The following RFX6 variants were observed in gnomAD, a reference collection of about 807,000 sequenced individuals.
RFX6 encodes the protein regulatory factor X6.
In RFX6, 50 loss-of-function variants were observed where a neutral mutation model predicts 110.8. That is an observed-to-expected ratio of 0.45 (90% confidence interval 0.36 to 0.57). The LOEUF is 0.57. Ranked by LOEUF, RFX6 falls within the 20% of genes least tolerant of loss-of-function variation. RFX6 has a pLI of 0.00. For synonymous variants in RFX6, 383 were observed against 411.2 expected (o/e 0.93, Z 0.83); for missense variants, 990 against 1,127.0 (o/e 0.88, Z 1.74).
intron 18 of RFX6, among the ~76,000 whole-genome samples, chr6:116,930,784 A>G (rs1249137721): frequency 6.6e-6 from 1 of 152,186 alleles, no homozygotes; most frequent in Non-Finnish European, 1.5e-5. Context: ...TGAATGAAGG[A>G]GAGAGTAGAG....
At chr6:116,899,988 T>C (rs553154028) in intron 6 of RFX6, among the ~76,000 whole-genome samples, 3 of 152,288 alleles carry the variant, frequency 2.0e-5, no homozygotes, top group South Asian at 2.1e-4. Context: ...AAGATGCGAA[T>C]AGATGATTCA....
chr6:116,880,940 TG>T (rs1306843841), intron 3 of RFX6, among the ~76,000 whole-genome samples: 14 of 152,200 alleles, frequency 9.2e-5, no homozygotes, highest in Non-Finnish European at 1.6e-4. Context: ...TGCATTAAAG[TG>T]TATAGTATGG....
intron 10 of RFX6, among the ~76,000 whole-genome samples, chr6:116,918,322 T>C (rs1275153436): frequency 1.3e-5 from 2 of 152,062 alleles, no homozygotes; most frequent in African/African-American, 4.8e-5. Context: ...AAAAATAGAT[T>C]TAAGCACTGT....
chr6:116,925,590 C>G lies in RFX6; in HGVS notation c.1816C>G (p.Gln606Glu). Residue 606 changes from glutamine to glutamate, a missense_variant, in exon 16 of 19, where the codon CAA becomes GAA. Physicochemically the swap from Gln to Glu is conservative, Grantham distance 29. Transcript: ENST00000332958. Reference protein sequence around the residue: ...ETTYLPLPSSQPGGLGPALHQ... With the variant: ...ETTYLPLPSSEPGGLGPALHQ... ...AACCTATCTCCCTCTGCCATCCAGT[C>G]AACCTGGAGGCCTAGGCCCTGCTCT... 6.2e-7 allele frequency: 1 copy of G among 1,613,912 alleles called. No individual in the cohort carries two copies. The highest frequency in any genetic ancestry group is 8.5e-7 in the Non-Finnish European group (1 of 1,179,770).
intron 4 of RFX6, among the ~76,000 whole-genome samples, chr6:116,891,845 A>T (rs1774837678): frequency 6.6e-6 from 1 of 152,172 alleles, no homozygotes; most frequent in African/African-American, 2.4e-5. Flanking sequence ...TACTCAGTTT[A>T]GTATTTTGAA....
At chr6:116,884,442 GAATAAATA>G (rs776502926) in intron 4 of RFX6, among the ~76,000 whole-genome samples, 6 of 152,102 alleles carry the variant, frequency 3.9e-5, no homozygotes, top group Non-Finnish European at 8.8e-5. Flanking sequence ...GGCCTGGAAA[GAATAAATA>G]AAGTGCCAGA....
At position 116,880,739 on chromosome 6, in the gene RFX6, C is replaced by A. The variant is rs1774572652; in HGVS notation, c.504+72C>A. 10 of 1,509,968 alleles carry A rather than the reference C, an allele frequency of 6.6e-6. No individual in the cohort carries two copies. The African/African-American group carries it at 9.6e-5, about 15-fold the overall frequency. 93.5% of individuals were successfully genotyped at this position (1,509,968 alleles called of 1,614,324 possible). On this transcript the variant is annotated intron_variant, in intron 3 of 18. Transcript: ENST00000332958. Reference sequence around the variant, plus strand: ...CAGGCAGATAGCATGAAAATGAATTCATCTGTGCAAGTTCTCTTAGAGAAT... The same window carrying A: ...CAGGCAGATAGCATGAAAATGAATTAATCTGTGCAAGTTCTCTTAGAGAAT...
intron 6 of RFX6, among the ~76,000 whole-genome samples, chr6:116,902,867 G>A (rs1775105291): frequency 6.6e-6 from 1 of 151,992 alleles, no homozygotes; most frequent in African/African-American, 2.4e-5. Context: ...ACTTAGCCAA[G>A]CCATGCAGCT....
intron 3 of RFX6, 88 bp downstream of exon 3, chr6:116,880,755 C>G (rs1388774349): frequency 7.1e-7 from 1 of 1,410,076 alleles, no homozygotes; most frequent in Non-Finnish European, 1.0e-6. Context: ...TGCAAGTTCT[C>G]TTAGAGAATA....
intron 6 of RFX6, among the ~76,000 whole-genome samples, chr6:116,898,655 G>A (rs1203583273): frequency 6.6e-6 from 1 of 152,140 alleles, no homozygotes; most frequent in East Asian, 1.9e-4. Flanking sequence ...TAGAGAGGAG[G>A]AGCAGTTCTT....
chr6:116,930,051 G>A (rs1775849473), intron 18 of RFX6, among the ~76,000 whole-genome samples: 1 of 152,170 alleles, frequency 6.6e-6, no homozygotes, highest in Admixed American at 6.5e-5. Context: ...AGACTAAAAT[G>A]TACTGTGTTG....
intron 11 of RFX6, among the ~76,000 whole-genome samples, 186 bp from the exon 12 acceptor site, chr6:116,920,124 C>T (rs1775560510): frequency 6.6e-6 from 1 of 152,098 alleles, no homozygotes; most frequent in Non-Finnish European, 1.5e-5. Context: ...AGGTGTATCT[C>T]CTATAATTTT....
chr6:116,918,190 G>T, intron 10 of RFX6, 104 bp downstream of exon 10: 1 of 892,798 alleles, frequency 1.1e-6, no homozygotes, highest in Non-Finnish European at 1.8e-6. Flanking sequence ...TTATCAAGAA[G>T]ACTATTTTCT....
In RFX6 at chr6:116,923,429, G is replaced by T. The variant is rs568505269; in HGVS notation, c.1555+205G>T. 11 of 568,274 alleles carry T rather than the reference G, an allele frequency of 1.9e-5. No individual in the cohort carries two copies. The South Asian group carries it at 2.0e-4, about 10-fold the overall frequency. 35.2% of individuals were successfully genotyped at this position (568,274 alleles called of 1,614,324 possible). On this transcript the variant is annotated intron_variant, in intron 14 of 18. Transcript: ENST00000332958. ...TAAATCCTAACAATGATTGTCTCTG[G>T]CTATGGGCCAATCTGCTCATTGAAG... is the stretch of plus-strand genomic sequence containing the variant.
rs1232962756 is a variant in RFX6, at chr6:116,918,090, T to C, written c.1022+4T>C. ...CAATGCAAGAAATGCCTGAAAGGTATGTTCAGTTAATAAAACATGAGCATT... is the reference window on the plus strand; with the variant it reads ...CAATGCAAGAAATGCCTGAAAGGTACGTTCAGTTAATAAAACATGAGCATT... On this transcript the variant is annotated splice_donor_region_variant and intron_variant, in intron 10 of 18. Transcript: ENST00000332958. 5 of 1,599,246 alleles carry C rather than the reference T, an allele frequency of 3.1e-6. No individual in the cohort carries two copies. The Admixed American group carries it at 5.0e-5, about 16-fold the overall frequency.
At chr6:116,899,358 A>G (rs1775018796) in intron 6 of RFX6, among the ~76,000 whole-genome samples, 1 of 152,198 alleles carries the variant, frequency 6.6e-6, no homozygotes, top group South Asian at 2.1e-4. Flanking sequence ...TTAATCTAGA[A>G]GAATATACAG....
intron 6 of RFX6, among the ~76,000 whole-genome samples, chr6:116,905,610 T>C (rs951338141): frequency 6.6e-6 from 1 of 151,424 alleles, no homozygotes; most frequent in South Asian, 2.1e-4. Context: ...TGGAGTGCAG[T>C]GGTGCAGTCT....
intron 6 of RFX6, among the ~76,000 whole-genome samples, chr6:116,897,569 C>T (rs1227635132): frequency 6.6e-6 from 1 of 152,126 alleles, no homozygotes; most frequent in Non-Finnish European, 1.5e-5. Context: ...AATGGGAAGC[C>T]ACTAAAGGGG....
At chr6:116,907,593 T>C (rs1443960775) in intron 6 of RFX6, among the ~76,000 whole-genome samples, 2 of 152,156 alleles carry the variant, frequency 1.3e-5, no homozygotes, top group African/African-American at 4.8e-5. Flanking sequence ...AGAAGGTACA[T>C]TGTATGACAT....
Sources: gnomAD v4.1 joint callset for allele counts (sites outside exome capture counted in the v4.1 genomes callset) on GRCh38, gnomAD v4.1.1 for gene constraint, MANE v1.5 for transcripts, NCBI Gene and HGNC (gene_info 2026-07-23, HGNC 2026-07-21) for gene names.